Variants in LSG1 observed in about 807,000 individuals in gnomAD.
LSG1 encodes the protein large 60S subunit nuclear export GTPase 1.
A neutral mutation model predicts 82.6 loss-of-function variants in LSG1; 55 were observed. The observed-to-expected ratio is 0.67, with a 90% CI of 0.54 to 0.83. The LOEUF is 0.83. Among genes scored for constraint, LSG1 ranks in the 40% least tolerant of loss-of-function variants. The pLI, the probability that LSG1 is intolerant of heterozygous loss-of-function variation, is 0.00. For synonymous variants in LSG1, 272 were observed against 282.5 expected (o/e 0.96, Z 0.37); for missense variants, 809 against 807.9 (o/e 1.00, Z -0.02).
At chr3:194,668,678 T>C (rs920829061) in intron 2 of LSG1, among the ~76,000 whole-genome samples, 2 of 152,224 alleles carry the variant, frequency 1.3e-5, no homozygotes, top group African/African-American at 4.8e-5. Flanking sequence ...CTAACTCATC[T>C]TGCTTCCTTA....
At chr3:194,656,794 T>C (rs1718798536) in intron 7 of LSG1, among the ~76,000 whole-genome samples, 3 of 151,994 alleles carry the variant, frequency 2.0e-5, no homozygotes, top group South Asian at 4.2e-4. Context: ...GTGGCACATA[T>C]ACACCATGGA....
At chr3:194,659,296 A>G (rs770370142) in intron 6 of LSG1, among the ~76,000 whole-genome samples, 163 bp from the exon 7 acceptor site, 11 of 152,198 alleles carry the variant, frequency 7.2e-5, no homozygotes, top group Admixed American at 2.0e-4. Flanking sequence ...CCTTTCAGTA[A>G]GCTTTGAAAA....
At chr3:194,653,622 C>A (rs374374862) in intron 7 of LSG1, among the ~76,000 whole-genome samples, 80 of 152,252 alleles carry the variant, frequency 5.3e-4, no homozygotes, top group African/African-American at 1.9e-3. Flanking sequence ...CCGTGACAGA[C>A]AACCATCGAG....
chr3:194,650,359 T>C (rs1390580625), intron 10 of LSG1, among the ~76,000 whole-genome samples: 1 of 152,224 alleles, frequency 6.6e-6, no homozygotes, highest in Non-Finnish European at 1.5e-5. Flanking sequence ...TATAAGAGCT[T>C]AGATAAATTA....
At chr3:194,667,544 C>T (rs777824055) in intron 2 of LSG1, among the ~76,000 whole-genome samples, 4 of 152,110 alleles carry the variant, frequency 2.6e-5, no homozygotes, top group Non-Finnish European at 5.9e-5. Context: ...GATTTCCTCA[C>T]CTCCCACTTC....
intron 11 of LSG1, among the ~76,000 whole-genome samples, chr3:194,648,068 C>T (rs950143193): frequency 4.0e-5 from 6 of 150,346 alleles, no homozygotes; most frequent in Non-Finnish European, 8.9e-5. Flanking sequence ...ATGTTTCCCA[C>T]ACTGCTATTT....
chr3:194,645,530 AG>A (rs1553845108), intron 12 of LSG1: 1 of 26,446 alleles, frequency 3.8e-5, no homozygotes, highest in African/African-American at 1.3e-4. Context: ...ACACACACAC[AG>A]ACAGACACAC....
intron 2 of LSG1, among the ~76,000 whole-genome samples, chr3:194,667,457 T>C (rs150220256): frequency 1.4e-3 from 217 of 152,244 alleles, no homozygotes; most frequent in African/African-American, 5.1e-3. Flanking sequence ...ACCCTGATCC[T>C]TCTCATACAC....
chr3:194,659,165 C>A, intron 6 of LSG1, 32 bp from the exon 7 acceptor site: 1 of 1,516,336 alleles, frequency 6.6e-7, no homozygotes, highest in Non-Finnish European at 8.9e-7. Flanking sequence ...AGAAAGACCT[C>A]TTCAAACAAG....
Position 194,665,619 on chromosome 3 carries a change from T to C in LSG1, c.459A>G (p.Ile153Met). Residue 153 changes from isoleucine (I) to methionine (M), a missense_variant, in exon 5 of 14, where the codon ATA (isoleucine) becomes ATG (methionine). Physicochemically the swap from Ile to Met is conservative, Grantham distance 10. Transcript: ENST00000265245. ...LVRLEEEQKL[I>M]LTPFERNLDF... is the part of the protein sequence containing the mutation. ...CCAAATTTCGTTCAAATGGAGTCAA[T>C]ATCAGCTTCTGTTCCTCTTCTAGCC... is the stretch of plus-strand genomic sequence containing the variant. The C allele has an allele frequency of 6.2e-7, 1 of 1,612,876 alleles. No individual in the cohort carries two copies. Among genetic ancestry groups the C allele is most frequent in the Admixed American group, 1.7e-5 (1 of 59,760 alleles).
intron 12 of LSG1, among the ~76,000 whole-genome samples, chr3:194,645,597 C>CACACAGACAGACAG (rs1718532661): frequency 1.8e-5 from 2 of 112,400 alleles, no homozygotes; most frequent in Admixed American, 1.8e-4. Context: ...CACACACACA[C>CACACAGACAGACAG]ACACACACAC....
At chr3:194,661,030 C>A in intron 5 of LSG1, 1 of 349,074 alleles carries the variant, frequency 2.9e-6, no homozygotes, top group Non-Finnish European at 5.8e-6. Flanking sequence ...CAGAGTCTCC[C>A]CAAAATCCTT....
rs1010232512 is a variant in LSG1 at position 194,644,375 on chromosome 3, AAAAAATAAAAATAAAT to A, written c.1797+182_1797+197del. 3.8e-5 allele frequency among the ~76,000 whole-genome samples: 5 copies of A among 131,204 alleles called. 1 individual carries two copies. The highest frequency in any genetic ancestry group is 1.5e-4 in the African/African-American group (5 of 32,870). 86.1% of individuals were successfully genotyped at this position (131,204 alleles called of 152,430 possible). On this transcript the variant is annotated intron_variant, in intron 13 of 13. Coordinates refer to ENST00000265245, the MANE Select transcript of LSG1 (RefSeq NM_018385.3). ...CAGAGCGAGACTCCGTCTCAAAAAAAAAAAATAAAAATAAATAAATAAATAAATAAATAAATAAATA... is the reference window on the plus strand; with the variant it reads ...CAGAGCGAGACTCCGTCTCAAAAAAAAAATAAATAAATAAATAAATAAATA...
chr3:194,653,558 G>A (rs1471829373), intron 7 of LSG1, among the ~76,000 whole-genome samples: 4 of 151,694 alleles, frequency 2.6e-5, no homozygotes, highest in Non-Finnish European at 4.4e-5. Context: ...AAAGTTCGAC[G>A]GAGATGGAAA....
At chr3:194,646,813 A>G (rs1272476857) in intron 11 of LSG1, among the ~76,000 whole-genome samples, 1 of 152,186 alleles carries the variant, frequency 6.6e-6, no homozygotes, top group African/African-American at 2.4e-5. Context: ...GAGGCACTAC[A>G]CCCAGCCTCC....
rs960736293 is a variant in LSG1 at position 194,660,226 on chromosome 3, T to C, written c.522-93A>G. ...TGGCCAGAGTAGCAAACCCTGGCAA[T>C]ATATTAAGCACTGGACATATATTAA... On this transcript the variant is annotated intron_variant, in intron 5 of 13. Transcript: ENST00000265245. The C allele has an allele frequency of 8.5e-6, 8 of 942,220 alleles. No individual in the cohort carries two copies. In the East Asian group the frequency reaches 1.2e-4, roughly 14 times the overall value. 58.4% of individuals were successfully genotyped at this position (942,220 alleles called of 1,614,324 possible).
At chr3:194,666,136 T>C in intron 4 of LSG1, 67 bp downstream of exon 4, 2 of 1,337,002 alleles carry the variant, frequency 1.5e-6, no homozygotes, top group Non-Finnish European at 2.1e-6. Context: ...CAAATGGCTG[T>C]GTAAGCATGC....
intron 11 of LSG1, 60 bp downstream of exon 11, chr3:194,648,621 T>C (rs1280110027): frequency 2.6e-6 from 4 of 1,534,088 alleles, no homozygotes; most frequent in Non-Finnish European, 3.6e-6. Context: ...ACTATTCTTA[T>C]TTCTATTCAT....
chr3:194,646,271 T>G (rs775496890), intron 11 of LSG1, 28 bp from the exon 12 acceptor site: 6 of 1,582,356 alleles, frequency 3.8e-6, no homozygotes, highest in Non-Finnish European at 5.2e-6. Flanking sequence ...TTTTGCAAAA[T>G]CTTAGATGAC....
Sources: allele counts gnomAD v4.1 joint callset (sites outside exome capture counted in the v4.1 genomes callset), GRCh38; gene constraint gnomAD v4.1.1; transcripts MANE v1.5; gene names NCBI Gene and HGNC (gene_info 2026-07-23, HGNC 2026-07-21).